The following CYP4Z1 variants were observed in gnomAD, a reference collection of about 807,000 sequenced individuals.
CYP4Z1 encodes the protein cytochrome P450 family 4 subfamily Z member 1.
In CYP4Z1, 41 loss-of-function variants were observed where a neutral mutation model predicts 54.2. The ratio of observed to expected loss-of-function variants is 0.76; its 90% CI spans 0.59 to 0.98. CYP4Z1 has a LOEUF of 0.98. Ranked by LOEUF, CYP4Z1 falls within the 50% of genes least tolerant of loss-of-function variation. The pLI is 0.00. For synonymous variants in CYP4Z1, 163 were observed against 206.2 expected (o/e 0.79, Z 1.79); for missense variants, 513 against 599.0 (o/e 0.86, Z 1.50).
chr1:47,114,670 A>G (rs533346009), intron 9 of CYP4Z1, among the ~76,000 whole-genome samples: 2 of 152,266 alleles, frequency 1.3e-5, no homozygotes, highest in Admixed American at 6.5e-5. Flanking sequence ...GAAGACATTT[A>G]TGCAGCCAAC....
Position 47,067,544 on chromosome 1 carries a change from C to T in CYP4Z1, c.54C>T (p.Ile18=), listed in dbSNP as rs1444027021. The change falls in exon 1 of 12, where the codon ATC becomes ATT. Residue 18 remains isoleucine (I), a synonymous_variant. Transcript: ENST00000334194. Reference sequence around the variant, plus strand: ...TGGCTCACCCCTTCTTGCTGCTGATCCTCCTCTGCATGTCTCTGCTGCTGT... The same window carrying T: ...TGGCTCACCCCTTCTTGCTGCTGATTCTCCTCTGCATGTCTCTGCTGCTGT... ...ELMAHPFLLL[I]LLCMSLLLFQ... The T allele has an allele frequency of 3.7e-6, 6 of 1,613,362 alleles. No individual in the cohort carries two copies. Among genetic ancestry groups the T allele is most frequent in the Non-Finnish European group, 5.1e-6 (6 of 1,179,562 alleles).
intron 8 of CYP4Z1, among the ~76,000 whole-genome samples, chr1:47,105,633 G>A (rs1047380443): frequency 6.6e-5 from 10 of 152,054 alleles, no homozygotes; most frequent in Non-Finnish European, 1.0e-4. Flanking sequence ...GAATTCCAGC[G>A]TTCTCCCTTA....
At chr1:47,091,716 G>C (rs1644639105) in intron 6 of CYP4Z1, among the ~76,000 whole-genome samples, 2 of 149,948 alleles carry the variant, frequency 1.3e-5, no homozygotes, top group Non-Finnish European at 3.0e-5. Context: ...ATCATGTGGA[G>C]TGTAAACAGT....
chr1:47,057,504 A>ATTT, the CYP4Z1 span, among the ~76,000 whole-genome samples: 9 of 122,796 alleles, frequency 7.3e-5, 1 homozygote, highest in African/African-American at 2.7e-4. Flanking sequence ...AGCTTTTTTC[A>ATTT]TTTTTTTTTT....
chr1:47,079,888 A>ATT (rs1644551146), intron 2 of CYP4Z1, among the ~76,000 whole-genome samples: 1 of 142,106 alleles, frequency 7.0e-6, no homozygotes, highest in Non-Finnish European at 1.5e-5. Flanking sequence ...AGAGAGAGAG[A>ATT]GAATACACTA....
At chr1:47,104,467 G>A (rs1644742952) in intron 8 of CYP4Z1, among the ~76,000 whole-genome samples, 1 of 152,204 alleles carries the variant, frequency 6.6e-6, no homozygotes, top group Non-Finnish European at 1.5e-5. Context: ...GCAGTGGTGG[G>A]TCAGGTAGGT....
At chr1:47,101,888 G>T (rs1035884115) in intron 8 of CYP4Z1, among the ~76,000 whole-genome samples, 59 of 152,202 alleles carry the variant, frequency 3.9e-4, no homozygotes, top group African/African-American at 1.4e-3. Context: ...ATTATGGTAT[G>T]AAAGTGTATC....
intron 8 of CYP4Z1, among the ~76,000 whole-genome samples, chr1:47,102,738 C>G (rs781548703): frequency 3.3e-5 from 5 of 152,114 alleles, no homozygotes; most frequent in Non-Finnish European, 7.4e-5. Flanking sequence ...ACACTGTTCT[C>G]TTGTTGTTTT....
At chr1:47,089,467 T>A (rs2148532581) in intron 6 of CYP4Z1, among the ~76,000 whole-genome samples, 1 of 152,058 alleles carries the variant, frequency 6.6e-6, no homozygotes. Flanking sequence ...AAGGGGGAAA[T>A]GTATGCTTTT....
At chr1:47,084,453 T>C (rs988207929) in intron 4 of CYP4Z1, among the ~76,000 whole-genome samples, 167 bp from the exon 5 acceptor site, 1 of 152,012 alleles carries the variant, frequency 6.6e-6, no homozygotes, top group Admixed American at 6.6e-5. Flanking sequence ...AGTATCATTT[T>C]CAGTACTGAC....
At chr1:47,066,222 A>G (rs988949043), upstream of CYP4Z1, among the ~76,000 whole-genome samples, 1 of 152,166 alleles carries the variant, frequency 6.6e-6, no homozygotes, top group African/African-American at 2.4e-5. Context: ...AGGGAATGAC[A>G]TAACAAAAAA....
At chr1:47,081,951 TG>T (rs1644557985) in intron 3 of CYP4Z1, among the ~76,000 whole-genome samples, 1 of 148,998 alleles carries the variant, frequency 6.7e-6, no homozygotes, top group Non-Finnish European at 1.5e-5. Flanking sequence ...CTGGGACCCT[TG>T]TCATAACTCA....
At chr1:47,111,679 C>G (rs1226008505) in intron 9 of CYP4Z1, among the ~76,000 whole-genome samples, 1 of 152,174 alleles carries the variant, frequency 6.6e-6, no homozygotes, top group African/African-American at 2.4e-5. Context: ...AGAGGACAGA[C>G]TTTCCTTTTA....
Position 47,117,883 on chromosome 1 carries a change from T to G in CYP4Z1, c.1467T>G (p.Val489=). 6.2e-7 allele frequency: 1 copy of G among 1,613,614 alleles called. No homozygotes were observed. The highest frequency in any genetic ancestry group is 8.5e-7 in the Non-Finnish European group (1 of 1,179,768). The change falls in exon 12 of 12, where the codon GTT becomes GTG. Residue 489 remains valine (V), a synonymous_variant. Coordinates refer to ENST00000334194, the MANE Select transcript of CYP4Z1 (RefSeq NM_178134.3). ...HSRPPQPVRQ[V]VLKSKNGIHV... is the part of the protein sequence containing the mutation. ...GGCCTCCCCAGCCTGTTCGTCAAGT[T>G]GTCCTCAAGTCCAAGAATGGAATCC...
At chr1:47,109,158 A>G (rs546015945) in intron 9 of CYP4Z1, among the ~76,000 whole-genome samples, 11 of 152,214 alleles carry the variant, frequency 7.2e-5, no homozygotes, top group Non-Finnish European at 1.5e-4. Context: ...CTGAAATGCA[A>G]AAAGAAATAA....
At chr1:47,100,555 G>A (rs1003370575) in intron 8 of CYP4Z1, among the ~76,000 whole-genome samples, 2 of 152,100 alleles carry the variant, frequency 1.3e-5, no homozygotes, top group Non-Finnish European at 1.5e-5. Context: ...GTTGGTGTTG[G>A]TTATCAAATC....
At chr1:47,111,645 A>G (rs1291743456) in intron 9 of CYP4Z1, among the ~76,000 whole-genome samples, 3 of 152,236 alleles carry the variant, frequency 2.0e-5, no homozygotes, top group South Asian at 2.1e-4. Context: ...TATGCGTACA[A>G]TATTAAACTT....
chr1:47,082,255 G>C (rs1644560115), intron 3 of CYP4Z1, 79 bp from the exon 4 acceptor site: 1 of 1,505,204 alleles, frequency 6.6e-7, no homozygotes, highest in African/African-American at 1.4e-5. Context: ...TCATAGATAG[G>C]GAATTGCTCA....
At chr1:47,066,742 T>A (rs1644453229), upstream of CYP4Z1, among the ~76,000 whole-genome samples, 2 of 152,148 alleles carry the variant, frequency 1.3e-5, no homozygotes, top group African/African-American at 4.8e-5. Flanking sequence ...GCTGATGATA[T>A]GATCGTATAC....
Sources: allele counts gnomAD v4.1 joint callset (sites outside exome capture counted in the v4.1 genomes callset), GRCh38; gene constraint gnomAD v4.1.1; transcripts MANE v1.5; gene names NCBI Gene and HGNC (gene_info 2026-07-23, HGNC 2026-07-21).